ARHGEF28: variants seen among roughly 807,000 people sequenced by gnomAD.
ARHGEF28 encodes 190 kDa guanine nucleotide exchange factor.
In ARHGEF28, 152 loss-of-function variants were observed where a neutral mutation model predicts 206.6. The ratio of observed to expected loss-of-function variants is 0.74; its 90% CI spans 0.64 to 0.84. The LOEUF (loss-of-function observed/expected upper bound fraction) is 0.84. Among genes scored for constraint, ARHGEF28 ranks in the 40% least tolerant of loss-of-function variants. The probability of loss-of-function intolerance (pLI) is 0.00; values close to 1 mark genes in which losing one functional copy is unlikely to be tolerated. For synonymous variants in ARHGEF28, 763 were observed against 776.4 expected, an observed-to-expected ratio of 0.98 and a Z score of 0.29; for missense variants, 2,028 against 2,073.2, an observed-to-expected ratio of 0.98 and a Z score of 0.42.
In ARHGEF28 at chr5:73,866,017, A is replaced by T. The variant is rs570259628; in HGVS notation, c.2152+4A>T. ...AAACCACAGACCATCCTTGGAAGTA[A>T]GTGATGTAGAAAACGACAAGAACTT... On this transcript the variant is annotated splice_donor_region_variant and intron_variant, in intron 18 of 35. Transcript: ENST00000513042. The T allele has an allele frequency of 2.1e-5, 34 of 1,596,606 alleles. No individual in the cohort carries two copies. The East Asian group carries it at 7.4e-4, about 35-fold the overall frequency.
At position 73,915,991 on chromosome 5, in the gene ARHGEF28, A is replaced by G. The variant is rs181654198; in HGVS notation, c.4948+4416A>G. Reference sequence around the variant, plus strand: ...TTTGAGTTCTCTTTCCTTTTACTACATATTAGAATTTGGTGCCAAGGAAAC... The same window carrying G: ...TTTGAGTTCTCTTTCCTTTTACTACGTATTAGAATTTGGTGCCAAGGAAAC... On this transcript the variant is annotated intron_variant, in intron 35 of 35. Coordinates refer to ENST00000513042, the MANE Select transcript of ARHGEF28 (RefSeq NM_001177693.2). Among the ~76,000 whole-genome samples, 109 of 152,348 alleles carry G rather than the reference A, an allele frequency of 7.2e-4. 1 individual carries two copies. Among genetic ancestry groups the G allele is most frequent in the African/African-American group, 2.5e-3 (104 of 41,584 alleles).
At chr5:73,692,709 GC>G (rs1429387081) in intron 2 of ARHGEF28, among the ~76,000 whole-genome samples, 1 of 152,204 alleles carries the variant, frequency 6.6e-6, no homozygotes, top group Admixed American at 6.5e-5. Flanking sequence ...TGCAGGGAGG[GC>G]CGGAGGACAG....
intron 26 of ARHGEF28, among the ~76,000 whole-genome samples, chr5:73,890,990 AG>A (rs1406099291): frequency 2.0e-5 from 3 of 152,224 alleles, no homozygotes; most frequent in Admixed American, 1.3e-4. Context: ...TTGGTAGAAG[AG>A]GTGGTTTAAT....
intron 9 of ARHGEF28, among the ~76,000 whole-genome samples, chr5:73,823,189 A>G (rs1252423971): frequency 6.6e-6 from 1 of 152,212 alleles, no homozygotes; most frequent in African/African-American, 2.4e-5. Context: ...CAAAACAAAT[A>G]TAGTAATGAC....
intron 12 of ARHGEF28, among the ~76,000 whole-genome samples, chr5:73,847,101 G>A (rs73763143): frequency 0.019 from 2,949 of 151,950 alleles, 80 homozygotes; most frequent in African/African-American, 0.063. Flanking sequence ...GCCCTTTTGC[G>A]TTTGAACAGA....
chr5:73,647,136 G>A (rs551259063), intron 1 of ARHGEF28, among the ~76,000 whole-genome samples: 2 of 152,300 alleles, frequency 1.3e-5, no homozygotes, highest in East Asian at 1.9e-4. Flanking sequence ...AATGCCACAA[G>A]AGGAAAATTC....
chr5:73,785,061 T>C (rs1222666230), intron 7 of ARHGEF28, among the ~76,000 whole-genome samples: 2 of 152,198 alleles, frequency 1.3e-5, no homozygotes, highest in Middle Eastern at 3.2e-3. Flanking sequence ...TACTCAAGAA[T>C]GGTCTGCAAT....
At chr5:73,666,782 T>C (rs1425466603) in intron 1 of ARHGEF28, among the ~76,000 whole-genome samples, 1 of 152,028 alleles carries the variant, frequency 6.6e-6, no homozygotes, top group Non-Finnish European at 1.5e-5. Context: ...AGAACAAAAG[T>C]GTATGCTAAG....
At chr5:73,745,096 A>G (rs1751650551) in intron 2 of ARHGEF28, among the ~76,000 whole-genome samples, 1 of 152,172 alleles carries the variant, frequency 6.6e-6, no homozygotes. Context: ...AAAATACAGT[A>G]TTTGTTCATT....
intron 2 of ARHGEF28, among the ~76,000 whole-genome samples, chr5:73,744,847 A>G (rs966503037): frequency 2.0e-5 from 3 of 152,084 alleles, no homozygotes; most frequent in Non-Finnish European, 4.4e-5. Flanking sequence ...GCCTGTTACT[A>G]TAAAAGCTAG....
chr5:73,876,998 A>G (rs1760544912), intron 22 of ARHGEF28, among the ~76,000 whole-genome samples: 1 of 143,320 alleles, frequency 7.0e-6, no homozygotes, highest in African/African-American at 2.7e-5. Flanking sequence ...AAGGAATGGT[A>G]CCAGTTCCTC....
chr5:73,679,331 C>T (rs1205653879), intron 1 of ARHGEF28, among the ~76,000 whole-genome samples: 2 of 152,168 alleles, frequency 1.3e-5, no homozygotes, highest in African/African-American at 4.8e-5. Flanking sequence ...CTTTGGGAGG[C>T]CAAGGCAGGC....
intron 22 of ARHGEF28, among the ~76,000 whole-genome samples, chr5:73,879,864 C>T (rs1030396469): frequency 8.5e-5 from 13 of 152,172 alleles, no homozygotes; most frequent in South Asian, 2.1e-4. Flanking sequence ...TTAGGCTGCT[C>T]GGGGGTCAGG....
intron 2 of ARHGEF28, among the ~76,000 whole-genome samples, chr5:73,700,970 T>C (rs920410570): frequency 5.9e-5 from 9 of 152,244 alleles, no homozygotes; most frequent in African/African-American, 2.2e-4. Context: ...CAAGATTGGC[T>C]TTCATAATAA....
chr5:73,694,841 C>G (rs1175484502), intron 2 of ARHGEF28, among the ~76,000 whole-genome samples: 1 of 152,252 alleles, frequency 6.6e-6, no homozygotes, highest in African/African-American at 2.4e-5. Flanking sequence ...GTGCCATGCA[C>G]TGTAAGAGCA....
chr5:73,628,271 TAAAAC>T, intron 1 of ARHGEF28, among the ~76,000 whole-genome samples: 1 of 152,298 alleles, frequency 6.6e-6, no homozygotes, highest in East Asian at 1.9e-4. Context: ...AAGTAGGTAT[TAAAAC>T]AAATTGCAGC....
intron 20 of ARHGEF28, among the ~76,000 whole-genome samples, chr5:73,868,749 C>T (rs56228231): frequency 0.056 from 8,588 of 152,134 alleles, 265 homozygotes; most frequent in Middle Eastern, 0.092. Flanking sequence ...CAGGTTCAAG[C>T]GATTCTCCTG....
At chr5:73,937,065 G>A (rs1490280102) in intron 35 of ARHGEF28, among the ~76,000 whole-genome samples, 1 of 152,160 alleles carries the variant, frequency 6.6e-6, no homozygotes, top group Non-Finnish European at 1.5e-5. Flanking sequence ...AATGATAAAT[G>A]CAAGTTCCAA....
chr5:73,933,861 C>T (rs1764269952), intron 35 of ARHGEF28, among the ~76,000 whole-genome samples: 1 of 151,542 alleles, frequency 6.6e-6, no homozygotes, highest in African/African-American at 2.4e-5. Context: ...AAAAAATTAA[C>T]AGTTGTTACT....
Sources: gnomAD v4.1 joint callset for allele counts (sites outside exome capture counted in the v4.1 genomes callset) on GRCh38, gnomAD v4.1.1 for gene constraint, MANE v1.5 for transcripts, NCBI Gene and HGNC (gene_info 2026-07-23, HGNC 2026-07-21) for gene names.